RNF10: variants seen among roughly 807,000 people sequenced by gnomAD.
The protein encoded by RNF10 is E3 ubiquitin-protein ligase RNF10.
A neutral mutation model predicts 91.4 loss-of-function variants in RNF10; 38 were observed. The ratio of observed to expected loss-of-function variants is 0.42; its 90% CI spans 0.32 to 0.54. RNF10 has a LOEUF of 0.54. Ranked by LOEUF, RNF10 falls within the 20% of genes least tolerant of loss-of-function variation. The probability of loss-of-function intolerance (pLI) is 0.16; values close to 1 mark genes in which losing one functional copy is unlikely to be tolerated. For synonymous variants in RNF10, 364 were observed against 366.3 expected (o/e 0.99, Z 0.07); for missense variants, 945 against 1,012.0 (o/e 0.93, Z 0.90).
chr12:120,575,696 T>TG lies in RNF10; in HGVS notation c.2200+10dup. The TG allele has an allele frequency of 6.2e-7, 1 of 1,614,224 alleles. No homozygotes were observed. Among genetic ancestry groups the TG allele is most frequent in the South Asian group, 1.1e-5 (1 of 91,088 alleles). Reference sequence around the variant, plus strand: ...AAACTGCTCCAAAGAAAGGTGAGGATGGTCCACTGGTGAAGGGGGAGTTTG... The same window carrying TG: ...AAACTGCTCCAAAGAAAGGTGAGGATGGGTCCACTGGTGAAGGGGGAGTTTG... On this transcript the variant is annotated intron_variant, in intron 15 of 16. Transcript: ENST00000325954.
Position 120,557,593 on chromosome 12 carries a change from C to G in RNF10, c.878C>G (p.Thr293Arg), listed in dbSNP as rs200683852. ...SHQYVVGDTITMQLMKREKGV... is the reference protein window; with the variant it reads ...SHQYVVGDTIRMQLMKREKGV... ...CAGTATGTTGTTGGTGATACCATTA[C>G]GATGCAGCTGATGAAGAGGGAGAAA... is the stretch of plus-strand genomic sequence containing the variant. The change falls in exon 6 of 17, where the codon ACG becomes AGG. Residue 293 changes from threonine to arginine, a missense_variant. By Grantham distance (71) the Thr-to-Arg change is moderately conservative. Coordinates refer to ENST00000325954, the MANE Select transcript of RNF10 (RefSeq NM_014868.5). The G allele has an allele frequency of 6.2e-7, 1 of 1,614,110 alleles. No individual in the cohort carries two copies. The highest frequency in any genetic ancestry group is 2.2e-5 in the East Asian group (1 of 44,886).
Position 120,576,784 on chromosome 12 carries a change from G to C in RNF10, c.*118G>C, listed in dbSNP as rs1487436861. 1 of 1,407,344 alleles carries C rather than the reference G, an allele frequency of 7.1e-7. No individual in the cohort carries two copies. Among genetic ancestry groups the C allele is most frequent in the African/African-American group, 1.5e-5 (1 of 68,732 alleles). The allele number at this position is 1,407,344 out of a possible 1,614,324, so 87.2% of individuals were successfully genotyped here. ...TTGAGTTTGAACAGATTAGCTCTGG[G>C]GGGAGGGGGTTTCCACAATGTGAGG... On this transcript the variant is annotated 3_prime_UTR_variant, in exon 17 of 17. Transcript: ENST00000325954.
intron 4 of RNF10, 103 bp from the exon 5 acceptor site, chr12:120,557,179 A>G (rs1233045921): frequency 1.6e-5 from 15 of 941,408 alleles, no homozygotes; most frequent in Admixed American, 4.1e-5. Context: ...GTACGGGGAT[A>G]GAGATGAGAG....
At chr12:120,572,309 G>A (rs1175359443) in intron 14 of RNF10, among the ~76,000 whole-genome samples, 5 of 151,724 alleles carry the variant, frequency 3.3e-5, no homozygotes, top group East Asian at 1.9e-4. Flanking sequence ...CTCGTGATCC[G>A]CCTGCCTCAG....
In RNF10 at chr12:120,552,718, A is replaced by C. The variant is rs765308571; in HGVS notation, c.554+20A>C. On this transcript the variant is annotated intron_variant, in intron 3 of 16. Coordinates refer to ENST00000325954, the MANE Select transcript of RNF10 (RefSeq NM_014868.5). The stretch of plus-strand genomic sequence containing the variant: ...GGCCAAGTGAGTATTGCTACCCCTC[A>C]GAGGAAAGGGAAAGTAGGACTCTCC... 35 of 1,609,016 alleles carry C rather than the reference A, an allele frequency of 2.2e-5. No individual in the cohort carries two copies. The Admixed American group carries it at 5.9e-4, about 27-fold the overall frequency.
intron 1 of RNF10, among the ~76,000 whole-genome samples, chr12:120,545,148 CAT>C (rs1054971219): frequency 1.3e-5 from 2 of 152,150 alleles, no homozygotes; most frequent in African/African-American, 4.8e-5. Context: ...GAATTGAACA[CAT>C]ATTATAATTG....
At chr12:120,562,006 T>G (rs920273465) in intron 7 of RNF10, among the ~76,000 whole-genome samples, 2 of 152,048 alleles carry the variant, frequency 1.3e-5, no homozygotes, top group African/African-American at 4.8e-5. Context: ...TCTCTTTTAT[T>G]TTTTTTAACT....
At chr12:120,555,358 T>C (rs1873819701) in intron 4 of RNF10, among the ~76,000 whole-genome samples, 1 of 150,908 alleles carries the variant, frequency 6.6e-6, no homozygotes, top group African/African-American at 2.4e-5. Flanking sequence ...ATTTTTGTAT[T>C]TTTAGTAGAG....
rs546644105 is a variant in RNF10 at position 120,557,594 on chromosome 12, G to A, written c.879G>A (p.Thr293=). 19 of 1,614,036 alleles carry A rather than the reference G, an allele frequency of 1.2e-5. No individual in the cohort carries two copies. Among genetic ancestry groups the A allele is most frequent in the East Asian group, 1.1e-4 (5 of 44,900 alleles). The change falls in exon 6 of 17, where the codon ACG becomes ACA. Residue 293 remains threonine, a synonymous_variant. Coordinates refer to ENST00000325954, the MANE Select transcript of RNF10 (RefSeq NM_014868.5). The stretch of plus-strand genomic sequence containing the variant: ...AGTATGTTGTTGGTGATACCATTAC[G>A]ATGCAGCTGATGAAGAGGGAGAAAG... ...SHQYVVGDTI[T]MQLMKREKGV...
At chr12:120,551,451 C>T (rs910730933) in intron 2 of RNF10, among the ~76,000 whole-genome samples, 5 of 151,400 alleles carry the variant, frequency 3.3e-5, no homozygotes, top group East Asian at 1.9e-4. Context: ...CCTGCCACTG[C>T]ACCCGGCTAG....
At chr12:120,558,072 T>C (rs1353273580) in intron 6 of RNF10, among the ~76,000 whole-genome samples, 1 of 152,186 alleles carries the variant, frequency 6.6e-6, no homozygotes, top group East Asian at 1.9e-4. Context: ...GCCAGAGATG[T>C]ATTCCCTGTG....
chr12:120,567,947 AAATATT>A (rs1876026795), intron 13 of RNF10, among the ~76,000 whole-genome samples: 1 of 149,360 alleles, frequency 6.7e-6, no homozygotes, highest in Non-Finnish European at 1.5e-5. Flanking sequence ...GGAAATAAAA[AAATATT>A]AAATGTATAG....
At position 120,546,481 on chromosome 12, in the gene RNF10, C is replaced by T. The variant is rs1872358159; in HGVS notation, c.234C>T (p.Asn78=). ...ELSYPKNESF[N]NQSRRSSSQK... Reference sequence around the variant, plus strand: ...CCTACCCCAAAAATGAAAGTTTTAACAACCAGTCCCGTCGCTCCAGTTCAC... The same window carrying T: ...CCTACCCCAAAAATGAAAGTTTTAATAACCAGTCCCGTCGCTCCAGTTCAC... The change falls in exon 2 of 17, where the codon AAC becomes AAT. Residue 78 remains asparagine, a synonymous_variant. Transcript: ENST00000325954. 1 of 1,614,182 alleles carries T rather than the reference C, an allele frequency of 6.2e-7. No homozygotes were observed. Among genetic ancestry groups the T allele is most frequent in the Non-Finnish European group, 8.5e-7 (1 of 1,180,006 alleles).
chr12:120,571,948 C>G (rs1433227247), intron 14 of RNF10, among the ~76,000 whole-genome samples: 1 of 152,126 alleles, frequency 6.6e-6, no homozygotes, highest in Non-Finnish European at 1.5e-5. Flanking sequence ...AGCTAATACT[C>G]AGCATTCCTG....
chr12:120,543,923 T>A (rs1403963246), intron 1 of RNF10, among the ~76,000 whole-genome samples: 2 of 151,988 alleles, frequency 1.3e-5, no homozygotes, highest in African/African-American at 4.8e-5. Flanking sequence ...CACCACTGCT[T>A]TCCACCCTGG....
chr12:120,543,539 C>T (rs1182205172), intron 1 of RNF10, among the ~76,000 whole-genome samples: 7 of 151,912 alleles, frequency 4.6e-5, no homozygotes, highest in African/African-American at 1.2e-4. Flanking sequence ...TGATGGCTCA[C>T]GCCTGTAATC....
chr12:120,547,747 A>G (rs1373580196), intron 2 of RNF10, among the ~76,000 whole-genome samples: 1 of 152,222 alleles, frequency 6.6e-6, no homozygotes, highest in Non-Finnish European at 1.5e-5. Context: ...AGACTAGGAA[A>G]GGGATCAGAT....
At chr12:120,560,587 T>G in intron 6 of RNF10, 139 bp from the exon 7 acceptor site, 2 of 760,280 alleles carry the variant, frequency 2.6e-6, no homozygotes, top group Non-Finnish European at 4.2e-6. Context: ...AGACCATTGT[T>G]AAATTATTTT....
chr12:120,565,348 G>C (rs1875534670), intron 11 of RNF10, 80 bp from the exon 12 acceptor site: 2 of 1,354,374 alleles, frequency 1.5e-6, no homozygotes, highest in Non-Finnish European at 2.1e-6. Flanking sequence ...CTACTGTTGT[G>C]GGTTTAGCTG....
Sources: gnomAD v4.1 joint callset for allele counts (sites outside exome capture counted in the v4.1 genomes callset) on GRCh38, gnomAD v4.1.1 for gene constraint, MANE v1.5 for transcripts, NCBI Gene and HGNC (gene_info 2026-07-23, HGNC 2026-07-21) for gene names.